CSNK1G1: variants seen among roughly 807,000 people sequenced by gnomAD.
CSNK1G1 encodes casein kinase 1 gamma 1.
Under a neutral mutation model 59.6 loss-of-function variants are expected in CSNK1G1, and 22 were observed. The observed-to-expected ratio is 0.37, with a 90% CI of 0.26 to 0.53. CSNK1G1 has a LOEUF of 0.53. Ranked by LOEUF, CSNK1G1 falls within the 20% of genes least tolerant of loss-of-function variation. CSNK1G1 has a pLI of 0.89. For missense variants in CSNK1G1, 384 were observed against 519.5 expected, an observed-to-expected ratio of 0.74 and a Z score of 2.54; for synonymous variants, 179 against 177.1, an observed-to-expected ratio of 1.01 and a Z score of -0.08.
intron 1 of CSNK1G1, among the ~76,000 whole-genome samples, chr15:64,322,806 G>GGA (rs937855543): frequency 2.6e-5 from 4 of 152,080 alleles, no homozygotes; most frequent in African/African-American, 9.7e-5. Flanking sequence ...GGGTGACAGA[G>GGA]GAGATCCTAT....
chr15:64,220,424 T>C (rs1330232187), intron 4 of CSNK1G1, among the ~76,000 whole-genome samples: 1 of 151,984 alleles, frequency 6.6e-6, no homozygotes, highest in African/African-American at 2.4e-5. Context: ...AAATAGCAAC[T>C]TGCCCAGTTA....
At chr15:64,280,875 G>A (rs1340347496) in intron 2 of CSNK1G1, among the ~76,000 whole-genome samples, 2 of 151,656 alleles carry the variant, frequency 1.3e-5, no homozygotes, top group Non-Finnish European at 2.9e-5. Context: ...GAAAAAGGAA[G>A]GAAATTCTTT....
chr15:64,329,282 C>T lies in CSNK1G1; in HGVS notation c.-225+26706G>A, dbSNP rs200310030. Reference sequence around the variant, plus strand: ...TGACCACATAGTTGGAAGTAAAACTCTCCTCAGCAAATGTAAAAGAACAGA... The same window carrying T: ...TGACCACATAGTTGGAAGTAAAACTTTCCTCAGCAAATGTAAAAGAACAGA... On this transcript the variant is annotated intron_variant, in intron 1 of 11. Coordinates refer to ENST00000303052, the MANE Select transcript of CSNK1G1 (RefSeq NM_022048.5). 9.2e-5 allele frequency among the ~76,000 whole-genome samples: 14 copies of T among 151,916 alleles called. No individual in the cohort carries two copies. The East Asian group carries it at 1.2e-3, about 13-fold the overall frequency.
intron 1 of CSNK1G1, among the ~76,000 whole-genome samples, chr15:64,307,069 A>G (rs2140414703): frequency 6.6e-6 from 1 of 152,320 alleles, no homozygotes; most frequent in Non-Finnish European, 1.5e-5. Flanking sequence ...GATGCATGTC[A>G]TTATACATTT....
chr15:64,214,176 T>C lies in CSNK1G1; in HGVS notation c.445-52A>G, dbSNP rs1335846804. 2 of 1,312,842 alleles carry C rather than the reference T, an allele frequency of 1.5e-6. No individual in the cohort carries two copies. Among genetic ancestry groups the C allele is most frequent in the Admixed American group, 1.7e-5 (1 of 58,534 alleles). 81.3% of individuals were successfully genotyped at this position (1,312,842 alleles called of 1,614,324 possible). On this transcript the variant is annotated intron_variant, in intron 5 of 11. Coordinates refer to ENST00000303052, the MANE Select transcript of CSNK1G1 (RefSeq NM_022048.5). This position sits in a 1 kb window ranked among gnomAD's most constrained non-coding sequence, Gnocchi z 4.3. ...ACTGTAAAGAAGTATATCAGGAAAA[T>C]ACATCAAAACAGTTTCTTTAGCCAG...
intron 7 of CSNK1G1, 76 bp downstream of exon 7, chr15:64,207,433 A>C (rs543857108): frequency 1.4e-4 from 160 of 1,122,394 alleles, no homozygotes; most frequent in Non-Finnish European, 2.0e-4. Context: ...ATTTCTTAAA[A>C]ACATGAAGCC....
intron 2 of CSNK1G1, among the ~76,000 whole-genome samples, chr15:64,284,965 T>C (rs1445836260): frequency 1.3e-5 from 2 of 152,110 alleles, no homozygotes; most frequent in Non-Finnish European, 2.9e-5. Flanking sequence ...GACTCCTCAA[T>C]ACAAATATTT....
intron 2 of CSNK1G1, among the ~76,000 whole-genome samples, chr15:64,278,515 G>A (rs1022599064): frequency 2.0e-5 from 3 of 150,286 alleles, no homozygotes; most frequent in Middle Eastern, 3.4e-3. Context: ...TGCAAGCTCC[G>A]CCTCCCGGGT....
intron 2 of CSNK1G1, among the ~76,000 whole-genome samples, chr15:64,289,858 T>C (rs865881779): frequency 1.3e-5 from 2 of 152,148 alleles, no homozygotes; most frequent in South Asian, 2.1e-4. Context: ...TGAATGACAT[T>C]TGAATGACAT....
intron 4 of CSNK1G1, among the ~76,000 whole-genome samples, chr15:64,225,933 ATTCTT>A (rs2082455257): frequency 6.6e-6 from 1 of 152,094 alleles, no homozygotes; most frequent in South Asian, 2.1e-4. Flanking sequence ...GGCTTACCAT[ATTCTT>A]TTAATTCAAT....
intron 1 of CSNK1G1, among the ~76,000 whole-genome samples, chr15:64,326,867 G>A (rs1444087052): frequency 6.6e-5 from 10 of 151,244 alleles, no homozygotes; most frequent in Middle Eastern, 3.4e-3. Flanking sequence ...CCTGGGAAGC[G>A]CAAGGGGTCA....
intron 1 of CSNK1G1, among the ~76,000 whole-genome samples, chr15:64,304,297 C>T (rs553959831): frequency 6.2e-5 from 9 of 144,878 alleles, no homozygotes; most frequent in African/African-American, 2.0e-4. Context: ...GCAGGAGAAT[C>T]GCTTGAACCT....
chr15:64,319,917 CTTTTTTTT>C (rs148166902), intron 1 of CSNK1G1, among the ~76,000 whole-genome samples: 9 of 65,932 alleles, frequency 1.4e-4, no homozygotes, highest in Non-Finnish European at 2.2e-4. Context: ...TAGATCAGGG[CTTTTTTTT>C]TTTTTTTTTT....
At chr15:64,353,202 G>C (rs1055337714) in intron 1 of CSNK1G1, among the ~76,000 whole-genome samples, 2 of 152,104 alleles carry the variant, frequency 1.3e-5, no homozygotes, top group African/African-American at 2.4e-5. Flanking sequence ...ATTATTACAG[G>C]AAGTTATTTG....
intron 2 of CSNK1G1, among the ~76,000 whole-genome samples, chr15:64,277,906 A>G (rs1238990175): frequency 1.4e-5 from 2 of 143,528 alleles, no homozygotes; most frequent in African/African-American, 5.1e-5. Context: ...TGATATTGAT[A>G]TATTTAATAA....
At chr15:64,284,191 CT>C (rs1275901635) in intron 2 of CSNK1G1, among the ~76,000 whole-genome samples, 5 of 152,186 alleles carry the variant, frequency 3.3e-5, no homozygotes, top group Non-Finnish European at 5.9e-5. Context: ...GTCTATATGT[CT>C]ATCCTGATGG....
intron 2 of CSNK1G1, among the ~76,000 whole-genome samples, chr15:64,297,557 A>G (rs1378049573): frequency 1.3e-5 from 2 of 152,096 alleles, no homozygotes; most frequent in African/African-American, 4.8e-5. Flanking sequence ...AAATAAAAAA[A>G]TTAGCTGGGC....
At chr15:64,273,461 G>A (rs1319650261) in intron 2 of CSNK1G1, among the ~76,000 whole-genome samples, 1 of 152,104 alleles carries the variant, frequency 6.6e-6, no homozygotes, top group South Asian at 2.1e-4. Context: ...TTTGTAAACT[G>A]CAAGGTGCTA....
chr15:64,322,036 TC>T (rs1257314132), intron 1 of CSNK1G1, among the ~76,000 whole-genome samples: 3 of 152,238 alleles, frequency 2.0e-5, no homozygotes, highest in Non-Finnish European at 4.4e-5. Flanking sequence ...GTAGTAAATA[TC>T]TTTTGCCTTC....
Sources: allele counts gnomAD v4.1 joint callset (sites outside exome capture counted in the v4.1 genomes callset), GRCh38; gene constraint gnomAD v4.1.1; non-coding constraint Gnocchi (gnomAD v3.1); transcripts MANE v1.5; gene names NCBI Gene and HGNC (gene_info 2026-07-23, HGNC 2026-07-21).